Variants in RALYL observed in about 807,000 individuals in gnomAD.
RALYL encodes RALY RNA binding protein like.
A neutral mutation model predicts 35.1 loss-of-function variants in RALYL; 29 were observed. That is an observed-to-expected ratio of 0.83 (90% CI 0.61 to 1.13). The LOEUF (loss-of-function observed/expected upper bound fraction) is 1.13. RALYL is among the 50% of genes most tolerant of loss of function. RALYL has a pLI of 0.00. For missense variants in RALYL, 359 were observed against 360.4 expected (o/e 1.00, Z 0.03); for synonymous variants, 120 against 127.6 (o/e 0.94, Z 0.40).
intron 1 of RALYL, among the ~76,000 whole-genome samples, chr8:84,397,777 G>C (rs188639535): frequency 6.6e-6 from 1 of 151,438 alleles, no homozygotes; most frequent in Non-Finnish European, 1.5e-5. Flanking sequence ...TGCATCAGTC[G>C]CAGACAAGCA....
At chr8:84,621,023 T>A (rs1156672870) in intron 2 of RALYL, among the ~76,000 whole-genome samples, 1 of 152,218 alleles carries the variant, frequency 6.6e-6, no homozygotes, top group Non-Finnish European at 1.5e-5. Context: ...CATTTAAGTC[T>A]GCAGAGGTTA....
intron 2 of RALYL, among the ~76,000 whole-genome samples, chr8:84,617,305 C>G (rs186649686): frequency 1.3e-5 from 2 of 151,686 alleles, no homozygotes; most frequent in African/African-American, 4.9e-5. Context: ...AGAGGTCCTT[C>G]ACATCCCTTG....
chr8:84,678,055 G>GA (rs899089840), intron 2 of RALYL, among the ~76,000 whole-genome samples: 13 of 151,434 alleles, frequency 8.6e-5, no homozygotes, highest in African/African-American at 9.7e-5. Flanking sequence ...CCAACCAATT[G>GA]AAAAAAAATC....
At chr8:84,292,781 C>T (rs752220597) in intron 1 of RALYL, among the ~76,000 whole-genome samples, 2 of 152,144 alleles carry the variant, frequency 1.3e-5, no homozygotes, top group African/African-American at 4.8e-5. Context: ...TTTAGCATAT[C>T]ATCAATAAAT....
At chr8:84,313,895 G>A (rs960821092) in intron 1 of RALYL, among the ~76,000 whole-genome samples, 1 of 152,070 alleles carries the variant, frequency 6.6e-6, no homozygotes, top group African/African-American at 2.4e-5. Context: ...ACATTTTCAA[G>A]TTATCTTTGT....
intron 2 of RALYL, among the ~76,000 whole-genome samples, chr8:84,681,672 T>G (rs1376110808): frequency 6.6e-6 from 1 of 152,184 alleles, no homozygotes; most frequent in Non-Finnish European, 1.5e-5. Context: ...ATGCTTGTGA[T>G]TTTTGCACAT....
intron 4 of RALYL, among the ~76,000 whole-genome samples, chr8:84,818,487 G>T (rs1827837699): frequency 6.6e-6 from 1 of 152,158 alleles, no homozygotes; most frequent in Admixed American, 6.6e-5. Context: ...GGGAGACAAA[G>T]TTGGATGAGT....
At chr8:84,187,853 C>T (rs780330735) in intron 1 of RALYL, among the ~76,000 whole-genome samples, 1 of 152,086 alleles carries the variant, frequency 6.6e-6, no homozygotes, top group East Asian at 1.9e-4. Context: ...AACTCTACCC[C>T]AGTAAAAGTG....
intron 2 of RALYL, among the ~76,000 whole-genome samples, chr8:84,719,826 G>A (rs2132615647): frequency 6.6e-6 from 1 of 152,060 alleles, no homozygotes; most frequent in South Asian, 2.1e-4. Context: ...AATATATCAT[G>A]CAATATTGTT....
intron 2 of RALYL, among the ~76,000 whole-genome samples, chr8:84,757,658 A>G (rs1811747707): frequency 6.6e-6 from 1 of 152,190 alleles, no homozygotes; most frequent in Admixed American, 6.6e-5. Flanking sequence ...GCTACCTGCC[A>G]TGTAATATAG....
chr8:84,907,938 CTCTT>C (rs1442312398), intron 8 of RALYL, among the ~76,000 whole-genome samples: 3 of 152,080 alleles, frequency 2.0e-5, no homozygotes, highest in Admixed American at 6.6e-5. Flanking sequence ...CTCTCAATCT[CTCTT>C]TCTCCCATTA....
chr8:84,552,358 ATTTTTTTTTTTTTTTT>A (rs1167949176), intron 2 of RALYL, among the ~76,000 whole-genome samples: 1 of 30,614 alleles, frequency 3.3e-5, no homozygotes, highest in Non-Finnish European at 5.8e-5. Context: ...ATATATATAT[ATTTTTTTTTTTTTTTT>A]TTTTTTTTTT....
intron 2 of RALYL, among the ~76,000 whole-genome samples, chr8:84,730,205 C>T (rs574215267): frequency 0.012 from 1,884 of 152,040 alleles, 42 homozygotes; most frequent in African/African-American, 0.043. Flanking sequence ...TGGGCTTCAT[C>T]CCTGGGATGC....
chr8:84,476,353 G>A (rs1455148171), intron 1 of RALYL, among the ~76,000 whole-genome samples: 1 of 152,062 alleles, frequency 6.6e-6, no homozygotes, highest in African/African-American at 2.4e-5. Context: ...CTCTTTTCAA[G>A]CTTCCACTCC....
chr8:84,503,652 C>T (rs532496965), intron 1 of RALYL, among the ~76,000 whole-genome samples: 1 of 151,948 alleles, frequency 6.6e-6, no homozygotes, highest in Non-Finnish European at 1.5e-5. Context: ...AGTTCAAGAC[C>T]AGCCTGGCCA....
chr8:84,722,617 T>TTATATATATATATATATATATA (rs71823678), intron 2 of RALYL, among the ~76,000 whole-genome samples: 32 of 97,346 alleles, frequency 3.3e-4, no homozygotes, highest in African/African-American at 1.6e-3. Context: ...TAGAGTGATT[T>TTATATATATATATATATATATA]TATATATATA....
intron 4 of RALYL, among the ~76,000 whole-genome samples, chr8:84,834,573 A>G (rs1831567746): frequency 6.6e-6 from 1 of 152,226 alleles, no homozygotes; most frequent in Non-Finnish European, 1.5e-5. Flanking sequence ...TATGCCTTGC[A>G]GTTTTCCTCC....
At chr8:84,518,228 G>T (rs1320911323) in intron 1 of RALYL, among the ~76,000 whole-genome samples, 1 of 151,890 alleles carries the variant, frequency 6.6e-6, no homozygotes, top group Non-Finnish European at 1.5e-5. Flanking sequence ...CTTTAACCTT[G>T]ACTAAGCTTA....
intron 8 of RALYL, among the ~76,000 whole-genome samples, chr8:84,907,330 A>T (rs1295884976): frequency 3.3e-5 from 5 of 151,862 alleles, no homozygotes; most frequent in African/African-American, 9.7e-5. Flanking sequence ...ACACACACAC[A>T]CACACACACA....
Sources: gnomAD v4.1 joint callset for allele counts (sites outside exome capture counted in the v4.1 genomes callset) on GRCh38, gnomAD v4.1.1 for gene constraint, MANE v1.5 for transcripts, NCBI Gene and HGNC (gene_info 2026-07-23, HGNC 2026-07-21) for gene names.